TMEM164: variants seen among roughly 807,000 people sequenced by gnomAD.
TMEM164 encodes the protein transmembrane protein 164, also known as RP13-360B22.2.
In TMEM164, 4 loss-of-function variants were observed where a neutral mutation model predicts 18.8. That is an observed-to-expected ratio of 0.21 (90% CI 0.10 to 0.49). The LOEUF is 0.49. Ranked by LOEUF, TMEM164 falls within the 20% of genes least tolerant of loss-of-function variation. The pLI is 0.98. For synonymous variants in TMEM164, 86 were observed against 101.7 expected, an observed-to-expected ratio of 0.85 and a Z score of 0.93; for missense variants, 108 against 239.9, an observed-to-expected ratio of 0.45 and a Z score of 3.63.
intron 3 of TMEM164, among the ~76,000 whole-genome samples, chrX:110,101,031 ATCT>A (rs1389226530): frequency 9.5e-6 from 1 of 105,244 alleles, no homozygotes; most frequent in Non-Finnish European, 2.0e-5. Flanking sequence ...TTCTTCCCTC[ATCT>A]TCTTCTTTTT....
At chrX:110,079,814 ACT>A (rs1170725646) in intron 3 of TMEM164, among the ~76,000 whole-genome samples, 1 of 87,280 alleles carries the variant, frequency 1.1e-5, no homozygotes, top group Non-Finnish European at 2.2e-5. Flanking sequence ...AAATGATGAC[ACT>A]CTGGGGACTG....
rs767560397 is a variant in TMEM164 at position 110,126,508 on chromosome X, C to T, written c.507+17362C>T. Among the ~76,000 whole-genome samples the T allele has an allele frequency of 8.9e-5, 10 of 112,032 alleles. No individual in the cohort carries two copies. In the East Asian group the frequency reaches 2.8e-3, roughly 31 times the overall value. ...CTAAGGGGATATCAATGCCTGCTCT[C>T]CACGTCTATTTTCTCGAGGCCCACA... On this transcript the variant is annotated intron_variant, in intron 4 of 6. Coordinates refer to ENST00000372068, the MANE Select transcript of TMEM164 (RefSeq NM_032227.4).
intron 3 of TMEM164, among the ~76,000 whole-genome samples, chrX:110,097,532 A>G (rs1233715842): frequency 8.9e-6 from 1 of 112,545 alleles, no homozygotes; most frequent in Non-Finnish European, 1.9e-5. Context: ...TAAGGGTATA[A>G]ACATGAAACA....
At chrX:110,075,557 C>T (rs2065658545) in intron 3 of TMEM164, among the ~76,000 whole-genome samples, 1 of 111,670 alleles carries the variant, frequency 9.0e-6, no homozygotes, top group Non-Finnish European at 1.9e-5. Flanking sequence ...GGAATGCTTC[C>T]AGCTTTTGCT....
chrX:110,133,332 G>T (rs372922850), intron 4 of TMEM164, among the ~76,000 whole-genome samples: 2 of 110,953 alleles, frequency 1.8e-5, no homozygotes, highest in Non-Finnish European at 3.8e-5. Context: ...TGTACTTTTA[G>T]TAGAGACAGG....
At chrX:110,104,088 T>C (rs2066150575) in intron 3 of TMEM164, among the ~76,000 whole-genome samples, 1 of 112,105 alleles carries the variant, frequency 8.9e-6, no homozygotes, top group South Asian at 3.7e-4. Flanking sequence ...ATTTTATAGT[T>C]TACTACTCTA....
In TMEM164 at chrX:110,130,959, C is replaced by T. The variant is rs369229898; in HGVS notation, c.508-13839C>T. ...GAAAGAAAGAAATAGAAAGAAGTGA[C>T]CAGAGTGTACTCATGTCAGGAGGTG... On this transcript the variant is annotated intron_variant, in intron 4 of 6. Coordinates refer to ENST00000372068, the MANE Select transcript of TMEM164 (RefSeq NM_032227.4). Among the ~76,000 whole-genome samples the T allele has an allele frequency of 3.6e-5, 4 of 111,982 alleles. 1 individual carries two copies.
At chrX:110,109,009 T>G in intron 3 of TMEM164, 71 bp from the exon 4 acceptor site, 1 of 1,052,611 alleles carries the variant, frequency 9.5e-7, no homozygotes, top group Non-Finnish European at 1.3e-6. Flanking sequence ...TGGCTTAACC[T>G]GATGTGTCTT....
At chrX:110,099,052 C>G (rs1300283287) in intron 3 of TMEM164, among the ~76,000 whole-genome samples, 1 of 107,255 alleles carries the variant, frequency 9.3e-6, no homozygotes, top group African/African-American at 3.4e-5. Context: ...CCCACCTTGG[C>G]CTCCCAAAGT....
In TMEM164 at chrX:110,036,327, A is replaced by G. The variant is rs766545417; in HGVS notation, c.391-31020A>G. 1.5e-4 allele frequency among the ~76,000 whole-genome samples: 17 copies of G among 111,872 alleles called. 1 individual carries two copies. The South Asian group carries it at 5.9e-3, about 39-fold the overall frequency. On this transcript the variant is annotated intron_variant, in intron 2 of 6. Coordinates refer to ENST00000372068, the MANE Select transcript of TMEM164 (RefSeq NM_032227.4). ...TGTACCTGTCTGTGGAGTCCTCCCT[A>G]GTTCCTCCTACTCGATATGATCTCT...
At chrX:110,069,591 A>AT (rs948759415) in intron 3 of TMEM164, among the ~76,000 whole-genome samples, 2 of 75,753 alleles carry the variant, frequency 2.6e-5, no homozygotes, top group African/African-American at 1.0e-4. Flanking sequence ...TTTTTTAATT[A>AT]TTTTTTTAGT....
intron 2 of TMEM164, among the ~76,000 whole-genome samples, chrX:110,046,689 A>G (rs1935329179): frequency 8.9e-6 from 1 of 112,553 alleles, no homozygotes; most frequent in African/African-American, 3.2e-5. Context: ...GTTGGGGGCA[A>G]TTGACTAGGC....
chrX:110,148,497 T>C (rs1380999209), intron 5 of TMEM164, among the ~76,000 whole-genome samples: 2 of 110,206 alleles, frequency 1.8e-5, no homozygotes, highest in Admixed American at 2.0e-4. Context: ...TGTACCTGGA[T>C]ATTCTTTTTC....
At chrX:110,101,434 A>G (rs2066108869) in intron 3 of TMEM164, among the ~76,000 whole-genome samples, 1 of 111,357 alleles carries the variant, frequency 9.0e-6, no homozygotes, top group Non-Finnish European at 1.9e-5. Flanking sequence ...GTATTCTTTT[A>G]TAATTTTAAT....
At chrX:110,123,215 C>A (rs188761042) in intron 4 of TMEM164, among the ~76,000 whole-genome samples, 83 of 112,032 alleles carry the variant, frequency 7.4e-4, no homozygotes, top group African/African-American at 2.4e-3. Flanking sequence ...TTCTAAAAAT[C>A]AATGAAAAAT....
chrX:110,137,200 C>T (rs745365620), intron 4 of TMEM164, among the ~76,000 whole-genome samples: 2 of 111,414 alleles, frequency 1.8e-5, no homozygotes, highest in African/African-American at 6.5e-5. Context: ...ACATTCTCAC[C>T]GATTTATGAG....
At chrX:110,080,888 ATTTTTTTTTTTTTT>A (rs367869176) in intron 3 of TMEM164, among the ~76,000 whole-genome samples, 45 of 74,511 alleles carry the variant, frequency 6.0e-4, no homozygotes, top group Non-Finnish European at 6.2e-4. Flanking sequence ...CTAGCTAATA[ATTTTTTTTTTTTTT>A]TTTTTTTTTT....
intron 3 of TMEM164, among the ~76,000 whole-genome samples, chrX:110,073,198 G>C (rs2065622072): frequency 9.0e-6 from 1 of 110,529 alleles, no homozygotes; most frequent in South Asian, 3.9e-4. Context: ...CACCTAGCTA[G>C]GTAATTATTT....
chrX:110,169,006 C>T (rs2067194575), intron 5 of TMEM164, among the ~76,000 whole-genome samples: 1 of 112,163 alleles, frequency 8.9e-6, no homozygotes. Flanking sequence ...TGAGTAGAAC[C>T]GAGTTCAAGA....
Sources: allele counts gnomAD v4.1 joint callset (sites outside exome capture counted in the v4.1 genomes callset), GRCh38; gene constraint gnomAD v4.1.1; transcripts MANE v1.5; gene names NCBI Gene and HGNC (gene_info 2026-07-23, HGNC 2026-07-21).